Variants in CTCF observed in about 807,000 individuals in gnomAD.
CTCF encodes CCCTC-binding factor.
CTCF carries 7 observed loss-of-function variants against 72.3 expected under a neutral mutation model. The observed-to-expected ratio is 0.10, with a 90% CI of 0.06 to 0.18. CTCF has a LOEUF of 0.18. Ranked by LOEUF, CTCF falls within the 10% of genes least tolerant of loss-of-function variation. The pLI is 1.00. For synonymous variants in CTCF, 374 were observed against 315.8 expected (o/e 1.18, Z -1.95); for missense variants, 516 against 949.1 (o/e 0.54, Z 6.00).
intron 2 of CTCF, among the ~76,000 whole-genome samples, chr16:67,580,772 A>ATTTTTT (rs781616750): frequency 2.5e-5 from 3 of 120,166 alleles, no homozygotes; most frequent in African/African-American, 6.9e-5. Flanking sequence ...GCCTGGCCAA[A>ATTTTTT]TTTTTTTTTT....
rs779404795 is a variant in CTCF at position 67,611,408 on chromosome 16, A to G, written c.576A>G (p.Gln192=). The change falls in exon 3 of 12, where the codon CAA becomes CAG. Residue 192 remains glutamine (Q), a synonymous_variant. Transcript: ENST00000264010. ...ELPPQEDPSW[Q]KDPDYQPPAK... ...CACCCCAGGAAGATCCTAGTTGGCA[A>G]AAAGACCCAGACTATCAGCCACCAG... 2.0e-5 allele frequency: 32 copies of G among 1,614,062 alleles called. No homozygotes were observed. Among genetic ancestry groups the G allele is most frequent in the Non-Finnish European group, 2.7e-5 (32 of 1,180,040 alleles).
chr16:67,592,890 A>G lies in CTCF; in HGVS notation c.-9-17934A>G, dbSNP rs556010649. On this transcript the variant is annotated intron_variant, in intron 2 of 11. Coordinates refer to ENST00000264010, the MANE Select transcript of CTCF (RefSeq NM_006565.4). ...AAAAATACAAAAATTAGCGGGGCACAGTGGCATGTGCCTGTAGTCCCAGCT... is the reference window on the plus strand; with the variant it reads ...AAAAATACAAAAATTAGCGGGGCACGGTGGCATGTGCCTGTAGTCCCAGCT... 6.2e-4 allele frequency among the ~76,000 whole-genome samples: 94 copies of G among 151,002 alleles called. 1 individual carries two copies. In the South Asian group the frequency reaches 0.014, roughly 23 times the overall value.
chr16:67,585,586 G>T (rs977029777), intron 2 of CTCF, among the ~76,000 whole-genome samples: 3 of 152,114 alleles, frequency 2.0e-5, no homozygotes, highest in African/African-American at 7.2e-5. Context: ...GTATTGGTTA[G>T]CACTTCTGTT....
At chr16:67,617,611 G>C (rs185612140) in intron 5 of CTCF, among the ~76,000 whole-genome samples, 2 of 152,312 alleles carry the variant, frequency 1.3e-5, no homozygotes, top group East Asian at 3.9e-4. Flanking sequence ...GAACCCGGGA[G>C]GTGGAGGTTG....
At chr16:67,630,216 A>G (rs1010637429) in intron 10 of CTCF, among the ~76,000 whole-genome samples, 2 of 152,174 alleles carry the variant, frequency 1.3e-5, no homozygotes, top group Non-Finnish European at 2.9e-5. Flanking sequence ...GCTGGTCTAG[A>G]TAAGAGCAGT....
At chr16:67,579,726 C>T (rs1470558207) in intron 2 of CTCF, among the ~76,000 whole-genome samples, 2 of 152,028 alleles carry the variant, frequency 1.3e-5, no homozygotes, top group East Asian at 3.8e-4. Context: ...AGAAAAATAC[C>T]CTAGTAGTAG....
Position 67,606,241 on chromosome 16 carries a change from C to G in CTCF, c.-9-4583C>G, listed in dbSNP as rs545734735. ...TAATTCCCACATGTATTTATTGTAC[C>G]CAGAAATCCAAACCTTTCCCCTACA... On this transcript the variant is annotated intron_variant, in intron 2 of 11. Coordinates refer to ENST00000264010, the MANE Select transcript of CTCF (RefSeq NM_006565.4). 3.9e-5 allele frequency among the ~76,000 whole-genome samples: 6 copies of G among 152,204 alleles called. No individual in the cohort carries two copies. In the East Asian group the frequency reaches 1.2e-3, roughly 29 times the overall value.
At chr16:67,628,131 C>T (rs1221620890) in intron 8 of CTCF, among the ~76,000 whole-genome samples, 1 of 152,100 alleles carries the variant, frequency 6.6e-6, no homozygotes, top group Non-Finnish European at 1.5e-5. Flanking sequence ...GGCATGGTGG[C>T]TCATACCTAT....
chr16:67,565,745 A>AT (rs1469518917), intron 1 of CTCF, among the ~76,000 whole-genome samples: 1 of 152,124 alleles, frequency 6.6e-6, no homozygotes, highest in African/African-American at 2.4e-5. Context: ...CTATGTAAGA[A>AT]TTTAAGAGGT....
intron 2 of CTCF, among the ~76,000 whole-genome samples, chr16:67,573,892 G>A (rs764521453): frequency 2.6e-5 from 4 of 152,046 alleles, no homozygotes; most frequent in South Asian, 2.1e-4. Context: ...TTAGCCGGGC[G>A]TTGTGGTGCG....
rs111397684 is a variant in CTCF at position 67,597,187 on chromosome 16, A to G, written c.-9-13637A>G. ...ATAGCTGAGACCCCAGGCGCACACC[A>G]CCATGCCCAGCTGACTTTTTGTATT... On this transcript the variant is annotated intron_variant, in intron 2 of 11. Coordinates refer to ENST00000264010, the MANE Select transcript of CTCF (RefSeq NM_006565.4). Among the ~76,000 whole-genome samples the G allele has an allele frequency of 9.6e-3, 1,454 of 152,096 alleles. 26 individuals are homozygous for G. Among genetic ancestry groups the G allele is most frequent in the African/African-American group, 0.033 (1,352 of 41,484 alleles).
chr16:67,604,964 ATTTTTTTTTTTT>A (rs34873720), intron 2 of CTCF, among the ~76,000 whole-genome samples: 2 of 73,780 alleles, frequency 2.7e-5, no homozygotes, highest in East Asian at 7.1e-4. Flanking sequence ...TATAAATGGG[ATTTTTTTTTTTT>A]TTTTTTTTTT....
intron 2 of CTCF, among the ~76,000 whole-genome samples, chr16:67,582,403 C>T (rs2051595329): frequency 6.6e-6 from 1 of 151,794 alleles, no homozygotes; most frequent in Non-Finnish European, 1.5e-5. Flanking sequence ...TTCTAAAATA[C>T]GAGCATTGGC....
chr16:67,601,841 T>C (rs2051896033), intron 2 of CTCF, among the ~76,000 whole-genome samples: 1 of 151,464 alleles, frequency 6.6e-6, no homozygotes, highest in African/African-American at 2.4e-5. Flanking sequence ...CTCTTTTAGG[T>C]TGGACTCGGT....
chr16:67,625,949 A>C (rs550168734), intron 7 of CTCF, among the ~76,000 whole-genome samples: 1 of 152,098 alleles, frequency 6.6e-6, no homozygotes, highest in Non-Finnish European at 1.5e-5. Flanking sequence ...CTCTACAGTC[A>C]CTAAATCCTG....
intron 4 of CTCF, chr16:67,614,828 C>G (rs1223202005): frequency 6.6e-6 from 1 of 152,220 alleles, no homozygotes; most frequent in Non-Finnish European, 1.5e-5. Flanking sequence ...GCCTGGGCAA[C>G]AAGAGCAAAA....
intron 5 of CTCF, among the ~76,000 whole-genome samples, chr16:67,619,116 A>G (rs1022669109): frequency 2.0e-5 from 3 of 152,196 alleles, no homozygotes; most frequent in African/African-American, 7.2e-5. Context: ...TTATCGACTT[A>G]TGTGTGTGAA....
intron 2 of CTCF, among the ~76,000 whole-genome samples, chr16:67,579,015 G>A (rs1021082323): frequency 2.0e-5 from 3 of 151,506 alleles, no homozygotes; most frequent in Non-Finnish European, 4.4e-5. Context: ...AGCACTTTGG[G>A]AGGCCAAGGT....
chr16:67,604,779 A>AT (rs993003419), intron 2 of CTCF, among the ~76,000 whole-genome samples: 8 of 129,162 alleles, frequency 6.2e-5, no homozygotes, highest in East Asian at 2.0e-4. Flanking sequence ...TTTAATATGA[A>AT]TTTTTTTTAC....
Sources: gnomAD v4.1 joint callset for allele counts (sites outside exome capture counted in the v4.1 genomes callset) on GRCh38, gnomAD v4.1.1 for gene constraint, MANE v1.5 for transcripts, NCBI Gene and HGNC (gene_info 2026-07-23, HGNC 2026-07-21) for gene names.